RANBP2: variants seen among roughly 807,000 people sequenced by gnomAD.
RANBP2 encodes the protein RAN binding protein 2.
A neutral mutation model predicts 303.6 loss-of-function variants in RANBP2; 57 were observed. That is an observed-to-expected ratio of 0.19 (90% CI 0.15 to 0.23). RANBP2 has a LOEUF of 0.23. Ranked by LOEUF, RANBP2 falls within the 10% of genes least tolerant of loss-of-function variation. RANBP2 has a pLI of 1.00. For missense variants in RANBP2, 3,138 were observed against 3,780.8 expected, an observed-to-expected ratio of 0.83 and a Z score of 4.46; for synonymous variants, 1,167 against 1,301.5, an observed-to-expected ratio of 0.90 and a Z score of 2.23.
At chr2:109,203,823 C>T in the RANBP2 span, among the ~76,000 whole-genome samples, 3 of 151,956 alleles carry the variant, frequency 2.0e-5, no homozygotes, top group African/African-American at 7.2e-5. Context: ...GACTCTGAAG[C>T]GTTTGCTCTC....
the RANBP2 span, among the ~76,000 whole-genome samples, chr2:109,623,970 G>C: frequency 6.6e-6 from 1 of 152,150 alleles, no homozygotes; most frequent in Non-Finnish European, 1.5e-5. Flanking sequence ...TGTCATCTTT[G>C]TGCCCATTTA....
the RANBP2 span, among the ~76,000 whole-genome samples, chr2:109,710,153 G>A: frequency 4.0e-5 from 6 of 151,584 alleles, no homozygotes; most frequent in Admixed American, 3.9e-4. Flanking sequence ...AGGCCGAGAC[G>A]GGTGGATCAC....
At chr2:109,730,090 C>T in the RANBP2 span, among the ~76,000 whole-genome samples, 1 of 152,190 alleles carries the variant, frequency 6.6e-6, no homozygotes. Flanking sequence ...CCTCCCTCAA[C>T]ACATGGGGAT....
the RANBP2 span, among the ~76,000 whole-genome samples, chr2:109,488,189 T>C: frequency 6.6e-6 from 1 of 152,098 alleles, no homozygotes; most frequent in African/African-American, 2.4e-5. Flanking sequence ...GACCTAGGGA[T>C]CCCAGCCTTA....
the RANBP2 span, among the ~76,000 whole-genome samples, chr2:109,414,916 A>G: frequency 6.6e-6 from 1 of 152,328 alleles, no homozygotes; most frequent in Admixed American, 6.5e-5. Flanking sequence ...GAACCTGAGA[A>G]TGTGTCACCT....
intron 19 of RANBP2, 87 bp from the exon 20 acceptor site, chr2:108,763,150 G>C: frequency 7.2e-7 from 1 of 1,389,492 alleles, no homozygotes; most frequent in Non-Finnish European, 1.0e-6. Context: ...TCATATTCAT[G>C]TTTGAAGTTT....
the RANBP2 span, among the ~76,000 whole-genome samples, chr2:109,359,666 T>A: frequency 2.0e-5 from 3 of 152,314 alleles, no homozygotes; most frequent in African/African-American, 4.8e-5. Flanking sequence ...AAATCCAAAA[T>A]TTTTTGAGCA....
chr2:109,610,829 C>T, the RANBP2 span, among the ~76,000 whole-genome samples: 7 of 152,306 alleles, frequency 4.6e-5, no homozygotes, highest in Non-Finnish European at 8.8e-5. Context: ...TAATTCCTCT[C>T]GAATCCCAGC....
At chr2:109,232,859 A>G in the RANBP2 span, among the ~76,000 whole-genome samples, 8 of 152,194 alleles carry the variant, frequency 5.3e-5, no homozygotes, top group Admixed American at 5.2e-4. Context: ...CAATTTATAC[A>G]CAGTAGAATT....
the RANBP2 span, among the ~76,000 whole-genome samples, chr2:109,476,425 C>T: frequency 1.3e-5 from 2 of 152,202 alleles, no homozygotes; most frequent in South Asian, 4.1e-4. Context: ...TGGGTAGCCC[C>T]AGGGGAGGTA....
chr2:109,589,306 G>A, the RANBP2 span, among the ~76,000 whole-genome samples: 1 of 152,100 alleles, frequency 6.6e-6, no homozygotes, highest in Non-Finnish European at 1.5e-5. Context: ...GCCAAGGCAG[G>A]CAGGTTACTT....
At chr2:109,119,712 G>T in the RANBP2 span, among the ~76,000 whole-genome samples, 1 of 152,292 alleles carries the variant, frequency 6.6e-6, no homozygotes, top group East Asian at 1.9e-4. Context: ...AATTGGAGAA[G>T]AAAATTTATT....
chr2:109,436,024 G>GT, the RANBP2 span, among the ~76,000 whole-genome samples: 1 of 152,254 alleles, frequency 6.6e-6, no homozygotes, highest in East Asian at 1.9e-4. Context: ...CCTGCTAGAG[G>GT]TCGTGCCCAG....
the RANBP2 span, among the ~76,000 whole-genome samples, chr2:109,518,401 G>C: frequency 1.3e-5 from 2 of 152,264 alleles, no homozygotes; most frequent in Non-Finnish European, 2.9e-5. Context: ...GAGAGCAGGG[G>C]TTCAGAGAGG....
chr2:108,876,246 GCC>G, the RANBP2 span: 1 of 1,584,456 alleles, frequency 6.3e-7, no homozygotes, highest in Non-Finnish European at 8.6e-7. Context: ...TCCAGTGCAA[GCC>G]CTTAGACTGG....
At chr2:108,939,183 T>G in the RANBP2 span, among the ~76,000 whole-genome samples, 1 of 151,998 alleles carries the variant, frequency 6.6e-6, no homozygotes, top group Non-Finnish European at 1.5e-5. Context: ...TTCCATTTGT[T>G]GTTGTTGTTT....
At chr2:109,082,826 T>C in the RANBP2 span, among the ~76,000 whole-genome samples, 1 of 71,516 alleles carries the variant, frequency 1.4e-5, no homozygotes, top group African/African-American at 4.0e-5. Flanking sequence ...ACCCCATGTC[T>C]TTTTTTTTTT....
the RANBP2 span, among the ~76,000 whole-genome samples, chr2:109,427,908 C>T: frequency 1.2e-3 from 182 of 152,372 alleles, 6 homozygotes; most frequent in East Asian, 0.032. Flanking sequence ...CCTGCAGCTC[C>T]CCAGGTGCTC....
chr2:108,965,216 G>A, the RANBP2 span, among the ~76,000 whole-genome samples: 2 of 152,192 alleles, frequency 1.3e-5, no homozygotes, highest in African/African-American at 4.8e-5. Context: ...GGTGGCTCAC[G>A]ACTGTAATCC....
Sources: gnomAD v4.1 joint callset for allele counts (sites outside exome capture counted in the v4.1 genomes callset) on GRCh38, gnomAD v4.1.1 for gene constraint, MANE v1.5 for transcripts, NCBI Gene and HGNC (gene_info 2026-07-23, HGNC 2026-07-21) for gene names.